The following SLC6A15 variants were observed in gnomAD, a reference collection of about 807,000 sequenced individuals.
SLC6A15 encodes sodium-dependent neutral amino acid transporter B(0)AT2.
Under a neutral mutation model 68.5 loss-of-function variants are expected in SLC6A15, and 33 were observed. That is an observed-to-expected ratio of 0.48 (90% CI 0.37 to 0.64). SLC6A15 has a LOEUF of 0.64. Among genes scored for constraint, SLC6A15 ranks in the 30% least tolerant of loss-of-function variants. The probability of loss-of-function intolerance (pLI) is 0.00; values close to 1 mark genes in which losing one functional copy is unlikely to be tolerated. For synonymous variants in SLC6A15, 347 were observed against 301.0 expected (o/e 1.15, Z -1.58); for missense variants, 747 against 874.3 (o/e 0.85, Z 1.84).
At chr12:84,905,858 T>A (rs1180022655) in intron 1 of SLC6A15, among the ~76,000 whole-genome samples, 1 of 152,188 alleles carries the variant, frequency 6.6e-6, no homozygotes, top group Non-Finnish European at 1.5e-5. Context: ...AAGATTTCCA[T>A]CACATAAGGA....
At chr12:84,896,847 G>A (rs79980992) in intron 1 of SLC6A15, among the ~76,000 whole-genome samples, 6,288 of 152,252 alleles carry the variant, frequency 0.041, 407 homozygotes, top group African/African-American at 0.14. Flanking sequence ...AAGGTAAGTG[G>A]ATGAACACAA....
intron 6 of SLC6A15, among the ~76,000 whole-genome samples, chr12:84,875,105 G>T (rs117346399): frequency 0.022 from 3,401 of 152,196 alleles, 68 homozygotes; most frequent in Non-Finnish European, 0.031. Context: ...CAAATGTTTA[G>T]AATTTTGTCA....
chr12:84,869,188 G>A (rs1051538609), intron 9 of SLC6A15, among the ~76,000 whole-genome samples: 4 of 152,002 alleles, frequency 2.6e-5, no homozygotes, highest in Non-Finnish European at 4.4e-5. Flanking sequence ...AGCTGGGCAC[G>A]GTGGCTCACG....
At chr12:84,865,885 T>C (rs1178154794) in intron 10 of SLC6A15, among the ~76,000 whole-genome samples, 1 of 152,192 alleles carries the variant, frequency 6.6e-6, no homozygotes, top group Non-Finnish European at 1.5e-5. Flanking sequence ...TGAATATAGT[T>C]GCTATAAACA....
At chr12:84,902,440 C>T (rs190335364) in intron 1 of SLC6A15, among the ~76,000 whole-genome samples, 43 of 152,006 alleles carry the variant, frequency 2.8e-4, no homozygotes, top group African/African-American at 9.9e-4. Flanking sequence ...CTCTGAAAAA[C>T]AACTTGGTTA....
chr12:84,875,656 A>C (rs1393569238), intron 6 of SLC6A15, among the ~76,000 whole-genome samples: 1 of 148 alleles, frequency 6.8e-3, no homozygotes, highest in African/African-American at 0.017. Context: ...CACCATATAT[A>C]TATATATATA....
intron 1 of SLC6A15, among the ~76,000 whole-genome samples, chr12:84,906,450 A>G (rs1245486157): frequency 6.6e-6 from 1 of 152,202 alleles, no homozygotes; most frequent in Non-Finnish European, 1.5e-5. Flanking sequence ...AATTTATATG[A>G]ACAGGCAAAA....
intron 4 of SLC6A15, among the ~76,000 whole-genome samples, chr12:84,884,995 T>C (rs1365426784): frequency 6.6e-6 from 1 of 151,886 alleles, no homozygotes; most frequent in African/African-American, 2.4e-5. Context: ...TGACTGCTCT[T>C]TATAATATTT....
chr12:84,863,709 G>C, intron 10 of SLC6A15, 108 bp from the exon 11 acceptor site: 1 of 741,258 alleles, frequency 1.3e-6, no homozygotes, highest in Non-Finnish European at 2.0e-6. Context: ...GATACCCTAT[G>C]ACATTTTATA....
At chr12:84,909,821 A>T (rs887008724) in intron 1 of SLC6A15, among the ~76,000 whole-genome samples, 2 of 152,164 alleles carry the variant, frequency 1.3e-5, no homozygotes, top group African/African-American at 4.8e-5. Flanking sequence ...CAATGATTCA[A>T]TTTCCTAGAT....
In SLC6A15 at chr12:84,861,350, T is replaced by C. The variant is rs1472754900; in HGVS notation, c.*282A>G. On this transcript the variant is annotated 3_prime_UTR_variant, in exon 12 of 12. Transcript: ENST00000266682. ...GAGGTAATACCATTTTTTTAAGAGA[T>C]AGAAATATTTGAAAATACACCAAAG... 3.6e-6 allele frequency: 1 copy of C among 275,094 alleles called. No homozygotes were observed. The highest frequency in any genetic ancestry group is 6.8e-6 in the Non-Finnish European group (1 of 146,906). The allele number at this position is 275,094 out of a possible 1,614,324, so 17.0% of individuals were successfully genotyped here. A position where few individuals can be genotyped will look rare whatever the true frequency, so the allele number is the denominator to read the frequency against.
chr12:84,911,122 G>C (rs1023112559), intron 1 of SLC6A15, among the ~76,000 whole-genome samples: 16 of 152,156 alleles, frequency 1.1e-4, no homozygotes, highest in Admixed American at 2.0e-4. Flanking sequence ...GGGTGGGTGA[G>C]GGGCTTGTTG....
chr12:84,904,644 A>G (rs1302762678), intron 1 of SLC6A15, among the ~76,000 whole-genome samples: 1 of 152,212 alleles, frequency 6.6e-6, no homozygotes, highest in Non-Finnish European at 1.5e-5. Context: ...TTAGAATAGA[A>G]ATAGGTATTA....
chr12:84,895,268 G>A (rs754385387), intron 1 of SLC6A15, among the ~76,000 whole-genome samples: 7 of 150,106 alleles, frequency 4.7e-5, no homozygotes, highest in Admixed American at 1.3e-4. Context: ...TGAATGAACC[G>A]AAAGGTTTAA....
intron 1 of SLC6A15, among the ~76,000 whole-genome samples, chr12:84,899,802 T>C (rs575936862): frequency 2.2e-4 from 34 of 152,282 alleles, no homozygotes; most frequent in Middle Eastern, 6.8e-3. Flanking sequence ...TGTATCGCTT[T>C]AGTTATCTTC....
chr12:84,910,392 C>T (rs1359464308), intron 1 of SLC6A15, among the ~76,000 whole-genome samples: 1 of 151,994 alleles, frequency 6.6e-6, no homozygotes, highest in Non-Finnish European at 1.5e-5. Flanking sequence ...AACAAATACA[C>T]ATGGATCATT....
chr12:84,862,042 A>G lies in SLC6A15; in HGVS notation c.1819-36T>C, dbSNP rs1481402542. 6.6e-6 allele frequency: 10 copies of G among 1,522,390 alleles called. 1 individual carries two copies. In the Admixed American group the frequency reaches 1.1e-4, roughly 17 times the overall value. 94.3% of individuals were successfully genotyped at this position (1,522,390 alleles called of 1,614,324 possible). On this transcript the variant is annotated intron_variant, in intron 11 of 11. Coordinates refer to ENST00000266682, the MANE Select transcript of SLC6A15 (RefSeq NM_182767.6). ...AGAAAATAATAATTATTAGTAATCTATCTTTCTTTGCACATACATAAAATA... is the reference window on the plus strand; with the variant it reads ...AGAAAATAATAATTATTAGTAATCTGTCTTTCTTTGCACATACATAAAATA...
At chr12:84,878,086 C>T (rs1356826522) in intron 5 of SLC6A15, among the ~76,000 whole-genome samples, 1 of 151,020 alleles carries the variant, frequency 6.6e-6, no homozygotes, top group Admixed American at 6.6e-5. Flanking sequence ...TAAGGCAACA[C>T]AATAAGGGGC....
At chr12:84,887,792 A>ACTTAGG (rs1872186515) in intron 2 of SLC6A15, among the ~76,000 whole-genome samples, 1 of 152,164 alleles carries the variant, frequency 6.6e-6, no homozygotes, top group African/African-American at 2.4e-5. Context: ...GCTGTTGGAT[A>ACTTAGG]CTTAGACTTT....
Sources: gnomAD v4.1 joint callset for allele counts (sites outside exome capture counted in the v4.1 genomes callset) on GRCh38, gnomAD v4.1.1 for gene constraint, MANE v1.5 for transcripts, NCBI Gene and HGNC (gene_info 2026-07-23, HGNC 2026-07-21) for gene names.